The following ZNF600 variants were observed in gnomAD, a reference collection of about 807,000 sequenced individuals.
ZNF600 encodes the protein zinc finger protein KR-ZNF1.
Under a neutral mutation model 7.3 loss-of-function variants are expected in ZNF600, and 4 were observed. The observed-to-expected ratio is 0.55, with a 90% CI of 0.27 to 1.25. The LOEUF (loss-of-function observed/expected upper bound fraction) is 1.25. Ranked by LOEUF, ZNF600 falls within the 50% of genes most tolerant of loss-of-function variation. The probability of loss-of-function intolerance (pLI) is 0.12; values close to 1 mark genes in which losing one functional copy is unlikely to be tolerated. For synonymous variants in ZNF600, 290 were observed against 308.9 expected (o/e 0.94, Z 0.64); for missense variants, 911 against 922.1 (o/e 0.99, Z 0.16).
the ZNF600 span, among the ~76,000 whole-genome samples, chr19:52,807,101 G>A: frequency 6.6e-6 from 1 of 152,138 alleles, no homozygotes; most frequent in African/African-American, 2.4e-5. Flanking sequence ...GTTTGCACCT[G>A]TAATACATTC....
the ZNF600 span, among the ~76,000 whole-genome samples, chr19:52,829,817 AAG>A: frequency 1.3e-5 from 2 of 152,106 alleles, no homozygotes; most frequent in Non-Finnish European, 2.9e-5. Context: ...CAGCCAGTCT[AAG>A]CTGTTTCTGA....
chr19:52,818,966 T>G, the ZNF600 span, among the ~76,000 whole-genome samples: 1 of 132,780 alleles, frequency 7.5e-6, no homozygotes, highest in Non-Finnish European at 1.6e-5. Flanking sequence ...TAGACACTGA[T>G]GGGCAGAGGG....
At chr19:52,811,795 C>T in the ZNF600 span, among the ~76,000 whole-genome samples, 6 of 143,936 alleles carry the variant, frequency 4.2e-5, no homozygotes, top group East Asian at 4.4e-4. Flanking sequence ...CCAGCCGCCC[C>T]GTCCGGGAGG....
At position 52,766,840 on chromosome 19, in the gene ZNF600, C is replaced by A; in HGVS notation, c.1123G>T (p.Glu375Ter). The A allele has an allele frequency of 6.2e-7, 1 of 1,614,142 alleles. No homozygotes were observed. The highest frequency in any genetic ancestry group is 8.5e-7 in the Non-Finnish European group (1 of 1,180,020). ...TTCCGACTGAAAACTTTGTCACATT[C>A]TTCACATTTGTAAGGTTTCTCTCCA... The change falls in exon 4 of 4, where the codon GAA becomes TAA. Residue 375 changes from glutamate to a stop codon, truncating the protein, a stop_gained. Coordinates refer to ENST00000648973, the Ensembl canonical transcript of ZNF600. LOFTEE classifies it low-confidence loss of function (END_TRUNC).
intron 1 of ZNF600, among the ~76,000 whole-genome samples, chr19:52,780,115 G>T (rs1396848949): frequency 6.6e-6 from 1 of 151,950 alleles, no homozygotes; most frequent in Non-Finnish European, 1.5e-5. Flanking sequence ...TTTGTTTAAA[G>T]TTCTCCCACC....
exon 4 of ZNF600, chr19:52,767,386 A>G: frequency 6.2e-7 from 1 of 1,614,110 alleles, no homozygotes; most frequent in Non-Finnish European, 8.5e-7. Flanking sequence ...ATTCTTTGGG[A>G]TGTTGAAACC....
the ZNF600 span, among the ~76,000 whole-genome samples, chr19:52,825,271 T>C: frequency 6.6e-6 from 1 of 152,168 alleles, no homozygotes; most frequent in Non-Finnish European, 1.5e-5. Flanking sequence ...AGGACTCACG[T>C]GTCTTCATTC....
the ZNF600 span, among the ~76,000 whole-genome samples, chr19:52,802,121 T>C: frequency 2.6e-5 from 4 of 152,146 alleles, no homozygotes; most frequent in Admixed American, 6.6e-5. Context: ...TATTGGTAAA[T>C]AATCCAAAAC....
At chr19:52,780,119 T>C (rs2147556526) in intron 1 of ZNF600, among the ~76,000 whole-genome samples, 1 of 152,320 alleles carries the variant, frequency 6.6e-6, no homozygotes. Context: ...TTTAAAGTTC[T>C]CCCACCTTCC....
chr19:52,779,519 T>C (rs1178297907), intron 1 of ZNF600, among the ~76,000 whole-genome samples: 2 of 152,026 alleles, frequency 1.3e-5, no homozygotes, highest in Admixed American at 6.6e-5. Flanking sequence ...AGAGAGTGGA[T>C]GACAAAGGCA....
the ZNF600 span, chr19:52,800,638 T>C: frequency 6.2e-7 from 1 of 1,613,438 alleles, no homozygotes; most frequent in Non-Finnish European, 8.5e-7. Context: ...GTATGAATCC[T>C]CTTATGTCTT....
chr19:52,803,741 T>G, the ZNF600 span, among the ~76,000 whole-genome samples: 2 of 151,782 alleles, frequency 1.3e-5, no homozygotes, highest in African/African-American at 4.8e-5. Flanking sequence ...CTGAGGCAGG[T>G]AAATCAGGAG....
At chr19:52,810,276 T>G in the ZNF600 span, 1 of 1,433,654 alleles carries the variant, frequency 7.0e-7, no homozygotes, top group Non-Finnish European at 9.8e-7. Context: ...AGTGATCACG[T>G]CCATTGAGGA....
chr19:52,822,119 C>T, the ZNF600 span, among the ~76,000 whole-genome samples: 1 of 135,378 alleles, frequency 7.4e-6, no homozygotes. Flanking sequence ...GTCGCCCTGG[C>T]TGGAGTGCAG....
the ZNF600 span, chr19:52,800,640 TTA>T: frequency 1.9e-6 from 3 of 1,612,634 alleles, no homozygotes; most frequent in African/African-American, 1.3e-5. Context: ...ATGAATCCTC[TTA>T]TGTCTTTCAA....
At chr19:52,827,458 C>A in the ZNF600 span, among the ~76,000 whole-genome samples, 1 of 152,096 alleles carries the variant, frequency 6.6e-6, no homozygotes, top group African/African-American at 2.4e-5. Flanking sequence ...AGCTGCCCCG[C>A]AGCACTGACA....
At chr19:52,817,334 T>C in the ZNF600 span, among the ~76,000 whole-genome samples, 701 of 152,120 alleles carry the variant, frequency 4.6e-3, 6 homozygotes, top group African/African-American at 0.016. Flanking sequence ...ATCACGCCAT[T>C]GCACTCCAGC....
At chr19:52,784,229 A>C (rs939480496) in intron 1 of ZNF600, among the ~76,000 whole-genome samples, 4 of 151,688 alleles carry the variant, frequency 2.6e-5, no homozygotes, top group Non-Finnish European at 4.4e-5. Context: ...TTTCTACAAA[A>C]AAACAAACAA....
exon 3 of ZNF600, chr19:52,774,643 A>G (rs2062658512): frequency 3.0e-6 from 3 of 985,338 alleles, no homozygotes; most frequent in African/African-American, 3.5e-5. Context: ...CGAAGGGTTC[A>G]GGCATTTCCA....
Sources: gnomAD v4.1 joint callset for allele counts (sites outside exome capture counted in the v4.1 genomes callset) on GRCh38, gnomAD v4.1.1 for gene constraint, MANE v1.5 for transcripts, NCBI Gene and HGNC (gene_info 2026-07-23, HGNC 2026-07-21) for gene names.